TMEM132C: variants seen among roughly 807,000 people sequenced by gnomAD.
TMEM132C encodes the protein transmembrane protein 132C.
In TMEM132C, 29 loss-of-function variants were observed where a neutral mutation model predicts 61.4. The ratio of observed to expected loss-of-function variants is 0.47; its 90% CI spans 0.35 to 0.64. The LOEUF is 0.64. Ranked by LOEUF, TMEM132C falls within the 30% of genes least tolerant of loss-of-function variation. The probability of loss-of-function intolerance (pLI) is 0.00; values close to 1 mark genes in which losing one functional copy is unlikely to be tolerated. For missense variants in TMEM132C, 1,408 were observed against 1,476.9 expected, an observed-to-expected ratio of 0.95 and a Z score of 0.76; for synonymous variants, 656 against 633.1, an observed-to-expected ratio of 1.04 and a Z score of -0.54.
At chr12:128,270,546 G>A (rs186177919) in intron 1 of TMEM132C, among the ~76,000 whole-genome samples, 1 of 152,178 alleles carries the variant, frequency 6.6e-6, no homozygotes, top group African/African-American at 2.4e-5. Flanking sequence ...TGGGTTTCTG[G>A]TAAGGGATTT....
At chr12:128,528,614 G>T (rs1038137248) in intron 2 of TMEM132C, among the ~76,000 whole-genome samples, 1 of 152,156 alleles carries the variant, frequency 6.6e-6, no homozygotes, top group Non-Finnish European at 1.5e-5. Flanking sequence ...CTTAGTTAGT[G>T]TGGTGGTGAG....
intron 5 of TMEM132C, among the ~76,000 whole-genome samples, chr12:128,677,270 A>G (rs941830249): frequency 5.3e-5 from 8 of 152,186 alleles, no homozygotes; most frequent in Non-Finnish European, 2.9e-5. Context: ...TCACATGACA[A>G]TCTATTAAAC....
intron 2 of TMEM132C, among the ~76,000 whole-genome samples, chr12:128,516,265 A>AT (rs1872714093): frequency 1.3e-5 from 2 of 152,210 alleles, no homozygotes; most frequent in African/African-American, 4.8e-5. Context: ...CATCCACGGG[A>AT]GGCTGGATAA....
chr12:128,584,429 G>A (rs1293940466), intron 3 of TMEM132C, among the ~76,000 whole-genome samples: 5 of 152,128 alleles, frequency 3.3e-5, no homozygotes, highest in South Asian at 2.1e-4. Flanking sequence ...TGCACACACT[G>A]TATTTTTGCC....
intron 4 of TMEM132C, among the ~76,000 whole-genome samples, chr12:128,651,162 A>G (rs1261492601): frequency 6.6e-6 from 1 of 152,140 alleles, no homozygotes; most frequent in Non-Finnish European, 1.5e-5. Flanking sequence ...TGGGGTAACA[A>G]CTCCTGGATC....
intron 1 of TMEM132C, chr12:128,400,084 G>C (rs1875097589): frequency 6.6e-6 from 1 of 152,222 alleles, no homozygotes; most frequent in Admixed American, 6.5e-5. Flanking sequence ...GATCAAGAAA[G>C]GTGTGTCCTC....
chr12:128,391,159 A>G (rs1281698837), intron 1 of TMEM132C, among the ~76,000 whole-genome samples: 1 of 152,228 alleles, frequency 6.6e-6, no homozygotes, highest in East Asian at 1.9e-4. Flanking sequence ...AGTGGTGGCC[A>G]TACAGTATGC....
intron 1 of TMEM132C, among the ~76,000 whole-genome samples, chr12:128,290,719 A>T (rs545884634): frequency 6.6e-6 from 1 of 152,210 alleles, no homozygotes; most frequent in Non-Finnish European, 1.5e-5. Flanking sequence ...AATAAACATA[A>T]AAATCCAGAG....
intron 5 of TMEM132C, among the ~76,000 whole-genome samples, chr12:128,689,555 A>G (rs1035463028): frequency 1.3e-5 from 2 of 152,148 alleles, no homozygotes; most frequent in African/African-American, 4.8e-5. Context: ...GCACAACCTC[A>G]GTGCCCTGAG....
intron 1 of TMEM132C, among the ~76,000 whole-genome samples, chr12:128,285,721 TTCTC>T (rs765947333): frequency 7.1e-5 from 6 of 85,030 alleles, no homozygotes; most frequent in Admixed American, 1.1e-4. Context: ...CTTTCTCTCT[TTCTC>T]TCTCTCTCTC....
chr12:128,453,881 A>G (rs1870259644), intron 2 of TMEM132C, among the ~76,000 whole-genome samples: 1 of 152,204 alleles, frequency 6.6e-6, no homozygotes, highest in African/African-American at 2.4e-5. Flanking sequence ...ACAAGCCTCA[A>G]CATCTCAACA....
intron 1 of TMEM132C, among the ~76,000 whole-genome samples, chr12:128,316,459 A>G (rs1031796636): frequency 3.9e-5 from 6 of 152,102 alleles, no homozygotes; most frequent in Non-Finnish European, 7.4e-5. Flanking sequence ...CTGGGAAGGG[A>G]TGGGAGTTCA....
intron 2 of TMEM132C, among the ~76,000 whole-genome samples, chr12:128,465,717 G>T (rs1301008850): frequency 6.6e-6 from 1 of 152,232 alleles, no homozygotes; most frequent in Non-Finnish European, 1.5e-5. Context: ...TGGTGTGAGG[G>T]CCCCAAGGGC....
chr12:128,368,399 A>G (rs565827679), intron 1 of TMEM132C, among the ~76,000 whole-genome samples: 5 of 152,334 alleles, frequency 3.3e-5, no homozygotes, highest in East Asian at 3.9e-4. Flanking sequence ...GGTCCAGTCA[A>G]TCTTGGGCAC....
At chr12:128,320,862 G>A (rs1872307917) in intron 1 of TMEM132C, among the ~76,000 whole-genome samples, 1 of 151,282 alleles carries the variant, frequency 6.6e-6, no homozygotes, top group African/African-American at 2.4e-5. Flanking sequence ...TAATAATAAA[G>A]GATTTTAAAA....
chr12:128,340,849 C>CTGTA, intron 1 of TMEM132C, among the ~76,000 whole-genome samples: 1 of 141,096 alleles, frequency 7.1e-6, no homozygotes. Context: ...CTCTTTCTCT[C>CTGTA]TTTCTTTCTT....
At chr12:128,663,016 G>A (rs1232203416) in intron 4 of TMEM132C, among the ~76,000 whole-genome samples, 2 of 152,196 alleles carry the variant, frequency 1.3e-5, no homozygotes, top group Non-Finnish European at 2.9e-5. Context: ...GCCCAGAATC[G>A]AAAGCCGGAT....
At chr12:128,621,524 C>T (rs980460224) in intron 4 of TMEM132C, among the ~76,000 whole-genome samples, 8 of 152,190 alleles carry the variant, frequency 5.3e-5, no homozygotes, top group African/African-American at 1.2e-4. Flanking sequence ...GAGGCAAGGA[C>T]GGTTCTCTCT....
intron 2 of TMEM132C, among the ~76,000 whole-genome samples, chr12:128,443,039 T>C (rs1280989569): frequency 6.6e-6 from 1 of 152,140 alleles, no homozygotes; most frequent in Admixed American, 6.6e-5. Context: ...GTGGAGTGTT[T>C]AGGAGTGAAA....
Sources: gnomAD v4.1 joint callset for allele counts (sites outside exome capture counted in the v4.1 genomes callset) on GRCh38, gnomAD v4.1.1 for gene constraint, MANE v1.5 for transcripts, NCBI Gene and HGNC (gene_info 2026-07-23, HGNC 2026-07-21) for gene names.